The following MEI4 variants were observed in gnomAD, a reference collection of about 807,000 sequenced individuals.
MEI4 encodes the protein meiotic double-stranded break formation protein 4, also known as meiosis-specific protein MEI4.
A neutral mutation model predicts 31.4 loss-of-function variants in MEI4; 27 were observed. That is an observed-to-expected ratio of 0.86 (90% CI 0.63 to 1.19). The LOEUF is 1.19. MEI4 is among the 50% of genes most tolerant of loss of function. MEI4 has a pLI of 0.00. For synonymous variants in MEI4, 122 were observed against 145.4 expected, an observed-to-expected ratio of 0.84 and a Z score of 1.16; for missense variants, 329 against 398.9, an observed-to-expected ratio of 0.82 and a Z score of 1.49.
intron 3 of MEI4, among the ~76,000 whole-genome samples, chr6:77,786,958 G>T (rs1168493238): frequency 1.3e-5 from 2 of 152,174 alleles, no homozygotes; most frequent in Non-Finnish European, 2.9e-5. Context: ...TGCCTGCACA[G>T]CTGGGAGACA....
intron 2 of MEI4, among the ~76,000 whole-genome samples, chr6:77,694,436 C>T (rs543905241): frequency 4.0e-5 from 6 of 150,616 alleles, no homozygotes; most frequent in South Asian, 2.1e-4. Context: ...CAACAGACCC[C>T]GGAGTGTGAT....
chr6:77,679,961 C>T (rs1768921540), intron 1 of MEI4, among the ~76,000 whole-genome samples: 1 of 151,038 alleles, frequency 6.6e-6, no homozygotes, highest in Admixed American at 6.6e-5. Context: ...GGCTGGTCCG[C>T]AACTCCTGAC....
At chr6:77,798,110 A>G (rs897441649) in intron 3 of MEI4, among the ~76,000 whole-genome samples, 1 of 152,118 alleles carries the variant, frequency 6.6e-6, no homozygotes, top group East Asian at 1.9e-4. Context: ...CTTGAAGGCT[A>G]TTATTTTCAG....
chr6:77,919,105 C>G (rs1189687312), intron 4 of MEI4, among the ~76,000 whole-genome samples: 3 of 151,994 alleles, frequency 2.0e-5, no homozygotes, highest in Non-Finnish European at 4.4e-5. Flanking sequence ...AGAAAGTCAA[C>G]AAGGATACCC....
At chr6:77,700,163 T>A (rs948517472) in intron 2 of MEI4, among the ~76,000 whole-genome samples, 4 of 152,210 alleles carry the variant, frequency 2.6e-5, no homozygotes, top group Non-Finnish European at 5.9e-5. Flanking sequence ...TACTGCTGTC[T>A]TTTTGTTTGT....
chr6:77,859,627 G>T (rs1430449316), intron 4 of MEI4, among the ~76,000 whole-genome samples: 2 of 152,076 alleles, frequency 1.3e-5, no homozygotes, highest in African/African-American at 4.8e-5. Flanking sequence ...GTGATGTTGA[G>T]CTTTTTTTCA....
At chr6:77,915,554 G>T (rs1766526360) in intron 4 of MEI4, among the ~76,000 whole-genome samples, 1 of 151,816 alleles carries the variant, frequency 6.6e-6, no homozygotes, top group Admixed American at 6.6e-5. Flanking sequence ...TCTTGCTATT[G>T]CTCTCTTTGC....
At chr6:77,846,894 G>T (rs61516182) in intron 4 of MEI4, among the ~76,000 whole-genome samples, 35,199 of 152,052 alleles carry the variant, frequency 0.23, 5,175 homozygotes, top group African/African-American at 0.42. Context: ...CTGTTGTTTG[G>T]TGAGTCTAGG....
intron 3 of MEI4, among the ~76,000 whole-genome samples, chr6:77,787,465 C>A (rs1419853767): frequency 6.6e-6 from 1 of 152,154 alleles, no homozygotes; most frequent in African/African-American, 2.4e-5. Flanking sequence ...GACCTCACTG[C>A]AGATCTAGCA....
intron 2 of MEI4, among the ~76,000 whole-genome samples, chr6:77,691,243 G>C (rs867920954): frequency 3.4e-4 from 51 of 151,948 alleles, no homozygotes; most frequent in African/African-American, 1.1e-3. Flanking sequence ...TGAAATACCA[G>C]CTATCAGCCA....
At chr6:77,830,130 A>C (rs529975773) in intron 4 of MEI4, among the ~76,000 whole-genome samples, 16 of 152,102 alleles carry the variant, frequency 1.1e-4, no homozygotes, top group Non-Finnish European at 2.1e-4. Context: ...GCCATGGTAG[A>C]TTGCAAGTCC....
intron 4 of MEI4, among the ~76,000 whole-genome samples, chr6:77,851,395 T>A (rs949515859): frequency 3.9e-4 from 60 of 152,120 alleles, no homozygotes; most frequent in African/African-American, 9.2e-4. Context: ...CAAATGTCCA[T>A]CAATGATAGA....
At chr6:77,909,356 T>TA (rs1255175437) in intron 4 of MEI4, among the ~76,000 whole-genome samples, 3 of 151,692 alleles carry the variant, frequency 2.0e-5, no homozygotes, top group Admixed American at 6.6e-5. Context: ...ACAAACGCAA[T>TA]AAAAAATGAT....
At chr6:77,850,207 T>C (rs1204959275) in intron 4 of MEI4, among the ~76,000 whole-genome samples, 3 of 152,208 alleles carry the variant, frequency 2.0e-5, no homozygotes, top group Non-Finnish European at 4.4e-5. Context: ...ATGGCCATAC[T>C]GCCCAAGGTA....
chr6:77,801,803 C>G (rs1183095320), intron 3 of MEI4, among the ~76,000 whole-genome samples: 1 of 152,122 alleles, frequency 6.6e-6, no homozygotes, highest in African/African-American at 2.4e-5. Context: ...GTTTCTGAAT[C>G]CTGAGTTGTA....
intron 1 of MEI4, among the ~76,000 whole-genome samples, chr6:77,678,104 G>C (rs1332352501): frequency 6.6e-6 from 1 of 152,102 alleles, no homozygotes; most frequent in East Asian, 1.9e-4. Flanking sequence ...AGTTCTTATT[G>C]CTTGAGTATT....
intron 3 of MEI4, among the ~76,000 whole-genome samples, chr6:77,826,614 C>A (rs1769956404): frequency 6.6e-6 from 1 of 152,116 alleles, no homozygotes; most frequent in Non-Finnish European, 1.5e-5. Flanking sequence ...AGCATTGTGT[C>A]GTTTTCTTAG....
intron 1 of MEI4, among the ~76,000 whole-genome samples, chr6:77,689,274 T>C: frequency 6.6e-6 from 1 of 152,036 alleles, no homozygotes; most frequent in South Asian, 2.1e-4. Flanking sequence ...TAATACAAAA[T>C]TTCTAAAAAT....
chr6:77,771,136 C>G (rs181928084), intron 3 of MEI4, among the ~76,000 whole-genome samples: 4 of 151,792 alleles, frequency 2.6e-5, no homozygotes, highest in Non-Finnish European at 5.9e-5. Context: ...GGACATGAAT[C>G]GACACTTTTC....
Sources: allele counts gnomAD v4.1 joint callset (sites outside exome capture counted in the v4.1 genomes callset), GRCh38; gene constraint gnomAD v4.1.1; transcripts MANE v1.5; gene names NCBI Gene and HGNC (gene_info 2026-07-23, HGNC 2026-07-21).